Variants in NIPAL2 observed in about 807,000 individuals in gnomAD.
NIPAL2 encodes the protein NIPA like domain containing 2.
In NIPAL2, 43 loss-of-function variants were observed where a neutral mutation model predicts 48.9. The ratio of observed to expected loss-of-function variants is 0.88; its 90% CI spans 0.69 to 1.13. The LOEUF is 1.13. Among genes scored for constraint, NIPAL2 ranks in the 50% most tolerant of loss-of-function variants. The pLI, the probability that NIPAL2 is intolerant of heterozygous loss-of-function variation, is 0.00. For missense variants in NIPAL2, 446 were observed against 461.4 expected, an observed-to-expected ratio of 0.97 and a Z score of 0.31; for synonymous variants, 167 against 174.6, an observed-to-expected ratio of 0.96 and a Z score of 0.34.
At chr8:98,269,867 A>G (rs1461708151) in intron 1 of NIPAL2, among the ~76,000 whole-genome samples, 1 of 152,006 alleles carries the variant, frequency 6.6e-6, no homozygotes, top group Non-Finnish European at 1.5e-5. Flanking sequence ...CCCAGTGTCT[A>G]TTGTTCCCAA....
intron 8 of NIPAL2, 65 bp downstream of exon 8, chr8:98,203,043 C>T (rs998051532): frequency 6.4e-6 from 8 of 1,253,600 alleles, no homozygotes; most frequent in Non-Finnish European, 9.4e-6. Context: ...TGGATTCTCT[C>T]ATTTACTCTG....
chr8:98,244,393 C>CT, intron 3 of NIPAL2, among the ~76,000 whole-genome samples: 1 of 42,044 alleles, frequency 2.4e-5, no homozygotes, highest in Non-Finnish European at 4.6e-5. Flanking sequence ...AGAGGGTGGG[C>CT]GTGGTGATGA....
chr8:98,268,233 C>T (rs965755454), intron 1 of NIPAL2, among the ~76,000 whole-genome samples: 97 of 152,242 alleles, frequency 6.4e-4, no homozygotes, highest in African/African-American at 2.1e-3. Flanking sequence ...TCCTTGAATA[C>T]TTATGATGCA....
rs934558636 is a variant in NIPAL2, at chr8:98,216,387, G to T, written c.559-3886C>A. Among the ~76,000 whole-genome samples the T allele has an allele frequency of 4.6e-5, 7 of 152,346 alleles. 1 individual carries two copies. Among genetic ancestry groups the T allele is most frequent in the African/African-American group, 4.8e-5 (2 of 41,576 alleles). Reference sequence around the variant, plus strand: ...GTATGCAGGTAAAGAACAGAATGTAGTCTGAGCTAGACATAGGGCTCAGCC... The same window carrying T: ...GTATGCAGGTAAAGAACAGAATGTATTCTGAGCTAGACATAGGGCTCAGCC... On this transcript the variant is annotated intron_variant, in intron 5 of 10. Coordinates refer to ENST00000430223, the MANE Select transcript of NIPAL2 (RefSeq NM_001321635.2).
At chr8:98,246,797 A>G (rs947527132) in intron 3 of NIPAL2, among the ~76,000 whole-genome samples, 3 of 152,096 alleles carry the variant, frequency 2.0e-5, no homozygotes, top group African/African-American at 4.8e-5. Context: ...TGCTTCCATC[A>G]CATTCTATTT....
chr8:98,263,137 A>G (rs1380436755), intron 1 of NIPAL2, among the ~76,000 whole-genome samples: 20 of 138,976 alleles, frequency 1.4e-4, no homozygotes, highest in African/African-American at 5.4e-4. Context: ...CAGTGTGTAG[A>G]GGGAAATTTA....
intron 1 of NIPAL2, among the ~76,000 whole-genome samples, chr8:98,291,807 T>C (rs1277305983): frequency 6.6e-6 from 1 of 152,238 alleles, no homozygotes; most frequent in Non-Finnish European, 1.5e-5. Context: ...AAGACTTCAC[T>C]TCCCTGCTCC....
intron 1 of NIPAL2, among the ~76,000 whole-genome samples, chr8:98,283,048 A>G (rs1252731133): frequency 1.3e-5 from 2 of 152,246 alleles, no homozygotes; most frequent in Non-Finnish European, 2.9e-5. Context: ...CATCATTGCT[A>G]TTCTACAAGC....
chr8:98,241,431 C>T (rs916646161), intron 3 of NIPAL2, among the ~76,000 whole-genome samples: 8 of 152,154 alleles, frequency 5.3e-5, no homozygotes, highest in African/African-American at 1.7e-4. Flanking sequence ...GCTAGAGTCA[C>T]TGTAAATTGA....
chr8:98,269,889 T>C (rs1314976012), intron 1 of NIPAL2, among the ~76,000 whole-genome samples: 9 of 152,168 alleles, frequency 5.9e-5, no homozygotes, highest in Non-Finnish European at 1.3e-4. Context: ...TATATGTCCA[T>C]GTATACACAA....
intron 1 of NIPAL2, among the ~76,000 whole-genome samples, chr8:98,284,463 C>CA (rs946102607): frequency 2.0e-5 from 3 of 151,570 alleles, no homozygotes; most frequent in Non-Finnish European, 1.5e-5. Context: ...ATGTATATTA[C>CA]AAAAAATACA....
At chr8:98,195,157 A>C (rs1234245271) in intron 9 of NIPAL2, among the ~76,000 whole-genome samples, 1 of 152,224 alleles carries the variant, frequency 6.6e-6, no homozygotes, top group African/African-American at 2.4e-5. Flanking sequence ...AAAATAATTT[A>C]TTCTTTAATT....
intron 3 of NIPAL2, among the ~76,000 whole-genome samples, chr8:98,246,963 GT>G (rs1404972810): frequency 6.6e-6 from 1 of 152,156 alleles, no homozygotes; most frequent in African/African-American, 2.4e-5. Flanking sequence ...TAACTTCATT[GT>G]TTTTAATCAT....
At chr8:98,211,733 A>ACAGTGTGTGT (rs1271888062) in intron 6 of NIPAL2, among the ~76,000 whole-genome samples, 1 of 109,104 alleles carries the variant, frequency 9.2e-6, no homozygotes, top group Admixed American at 9.7e-5. Context: ...AGAGAGAGAA[A>ACAGTGTGTGT]GTGTGTGTGT....
intron 3 of NIPAL2, among the ~76,000 whole-genome samples, chr8:98,243,056 G>A (rs540777472): frequency 6.6e-6 from 1 of 152,200 alleles, no homozygotes; most frequent in African/African-American, 2.4e-5. Context: ...AATACTATCC[G>A]TAAGGGGAAA....
intron 1 of NIPAL2, among the ~76,000 whole-genome samples, chr8:98,275,030 TA>T (rs1248728749): frequency 2.0e-5 from 3 of 152,144 alleles, no homozygotes; most frequent in Non-Finnish European, 4.4e-5. Context: ...AATAAATGTA[TA>T]GGGGGTTCCC....
At chr8:98,292,868 A>G (rs376509366) in intron 1 of NIPAL2, among the ~76,000 whole-genome samples, 2 of 152,266 alleles carry the variant, frequency 1.3e-5, no homozygotes, top group African/African-American at 4.8e-5. Context: ...TCCTGTGGGT[A>G]GAAGAAAGGA....
At chr8:98,263,398 A>G (rs2130858180) in intron 1 of NIPAL2, among the ~76,000 whole-genome samples, 1 of 150,856 alleles carries the variant, frequency 6.6e-6, no homozygotes, top group South Asian at 2.1e-4. Context: ...TAATAAAGAA[A>G]AAAAGAGAGA....
chr8:98,196,250 A>T (rs1411046081), intron 8 of NIPAL2, among the ~76,000 whole-genome samples: 1 of 152,264 alleles, frequency 6.6e-6, no homozygotes, highest in Non-Finnish European at 1.5e-5. Flanking sequence ...CATAATTGAC[A>T]TATATTTGCA....
Sources: gnomAD v4.1 joint callset for allele counts (sites outside exome capture counted in the v4.1 genomes callset) on GRCh38, gnomAD v4.1.1 for gene constraint, MANE v1.5 for transcripts, NCBI Gene and HGNC (gene_info 2026-07-23, HGNC 2026-07-21) for gene names.